The following RIPOR2 variants were observed in gnomAD, a reference collection of about 807,000 sequenced individuals.
RIPOR2 encodes rho family-interacting cell polarization regulator 2.
A neutral mutation model predicts 114.5 loss-of-function variants in RIPOR2; 39 were observed. That is an observed-to-expected ratio of 0.34 (90% CI 0.26 to 0.44). The LOEUF is 0.44. Among genes scored for constraint, RIPOR2 ranks in the 20% least tolerant of loss-of-function variants. The pLI, the probability that RIPOR2 is intolerant of heterozygous loss-of-function variation, is 1.00. For synonymous variants in RIPOR2, 445 were observed against 484.4 expected, an observed-to-expected ratio of 0.92 and a Z score of 1.07; for missense variants, 1,007 against 1,255.1, an observed-to-expected ratio of 0.80 and a Z score of 2.99.
At chr6:24,823,242 T>C (rs1759857825) in intron 19 of RIPOR2, among the ~76,000 whole-genome samples, 1 of 152,244 alleles carries the variant, frequency 6.6e-6, no homozygotes, top group Non-Finnish European at 1.5e-5. Flanking sequence ...GAACTTAATG[T>C]AATAACTTTT....
At position 24,826,505 on chromosome 6, in the gene RIPOR2, T is replaced by G. The variant is rs190149610; in HGVS notation, c.2666-1077A>C. ...TGTGATTTATTTAGATTTTTTTTTTTTGCTTAATTTCCTATTTTCCTTGCT... is the reference window on the plus strand; with the variant it reads ...TGTGATTTATTTAGATTTTTTTTTTGTGCTTAATTTCCTATTTTCCTTGCT... On this transcript the variant is annotated intron_variant, in intron 18 of 21. Coordinates refer to ENST00000643898, the MANE Select transcript of RIPOR2 (RefSeq NM_001286445.3). 1.7e-3 allele frequency among the ~76,000 whole-genome samples: 253 copies of G among 152,202 alleles called. 1 individual carries two copies. The highest frequency in any genetic ancestry group is 0.01 in the Middle Eastern group (3 of 294).
chr6:24,872,635 T>C (rs1251544485), intron 4 of RIPOR2, among the ~76,000 whole-genome samples: 1 of 152,208 alleles, frequency 6.6e-6, no homozygotes, highest in Non-Finnish European at 1.5e-5. Context: ...TAAAGTTTCA[T>C]GAAGATATAC....
chr6:25,007,201 C>T (rs1229115012), intron 1 of RIPOR2, among the ~76,000 whole-genome samples: 1 of 152,094 alleles, frequency 6.6e-6, no homozygotes, highest in African/African-American at 2.4e-5. Context: ...TAAAGAAAAG[C>T]CTATTAAAGG....
intron 19 of RIPOR2, among the ~76,000 whole-genome samples, chr6:24,822,227 G>A (rs543948267): frequency 4.6e-5 from 7 of 152,130 alleles, no homozygotes; most frequent in Non-Finnish European, 5.9e-5. Flanking sequence ...ACCAATCGAT[G>A]GTGTCTGTGC....
In RIPOR2 at chr6:25,020,431, G is replaced by C. The variant is rs1299305792; in HGVS notation, c.76+21420C>G. Among the ~76,000 whole-genome samples the C allele has an allele frequency of 3.9e-5, 6 of 152,314 alleles. No individual in the cohort carries two copies. In the East Asian group the frequency reaches 1.2e-3, roughly 29 times the overall value. On this transcript the variant is annotated intron_variant, in intron 1 of 13. Transcript: ENST00000510784. ...ATTGCAATTAATTAGGCTTCTCCAA[G>C]AGTAAATTTTCCCTGTACTATCCAA... is the stretch of plus-strand genomic sequence containing the variant.
At chr6:24,931,671 T>C (rs996695689) in intron 1 of RIPOR2, among the ~76,000 whole-genome samples, 5 of 152,236 alleles carry the variant, frequency 3.3e-5, no homozygotes, top group Admixed American at 3.3e-4. Context: ...TCAAGCATAA[T>C]CTTAAAAGGC....
intron 1 of RIPOR2, among the ~76,000 whole-genome samples, chr6:25,005,766 A>T (rs555646136): frequency 8.4e-6 from 1 of 119,360 alleles, no homozygotes; most frequent in African/African-American, 2.9e-5. Flanking sequence ...AAGATATGCC[A>T]TTATATACAT....
intron 1 of RIPOR2, among the ~76,000 whole-genome samples, chr6:25,003,088 G>A (rs550511632): frequency 3.9e-5 from 6 of 152,212 alleles, no homozygotes; most frequent in African/African-American, 4.8e-5. Flanking sequence ...ACATGTTTAC[G>A]ATTCACTTTT....
chr6:25,024,115 A>G, intron 1 of RIPOR2: 1 of 830,908 alleles, frequency 1.2e-6, no homozygotes, highest in Non-Finnish European at 2.1e-6. Flanking sequence ...CTCAAACCGG[A>G]CCTGATATTC....
chr6:25,022,562 TTTTTTTA>T (rs1776382984), intron 1 of RIPOR2, among the ~76,000 whole-genome samples: 6 of 114,876 alleles, frequency 5.2e-5, no homozygotes, highest in African/African-American at 1.3e-4. Flanking sequence ...TTTTTTTTTT[TTTTTTTA>T]GACAGGTTCT....
Position 24,832,313 on chromosome 6 carries a change from C to T in RIPOR2, c.2287G>A (p.Glu763Lys), listed in dbSNP as rs1760753331. 6.4e-7 allele frequency: 1 copy of T among 1,551,892 alleles called. No individual in the cohort carries two copies. The highest frequency in any genetic ancestry group is 8.7e-7 in the Non-Finnish European group (1 of 1,146,974). Residue 763 changes from glutamate to lysine, a missense_variant, in exon 16 of 22, where the codon GAG (glutamate) becomes AAG (lysine). Glu to Lys is a moderately conservative substitution (Grantham distance 56). Transcript: ENST00000643898. ...EKLSRQIQVM[E>K]KLAAVSDENI... is the part of the protein sequence containing the mutation. Reference sequence around the variant, plus strand: ...TCATCACTGACAGCTGCGAGTTTCTCCATCACTTGGATCTGCCTAGAAAGC... The same window carrying T: ...TCATCACTGACAGCTGCGAGTTTCTTCATCACTTGGATCTGCCTAGAAAGC...
At chr6:24,925,673 G>T (rs1770813900) in intron 1 of RIPOR2, among the ~76,000 whole-genome samples, 1 of 151,692 alleles carries the variant, frequency 6.6e-6, no homozygotes, top group Non-Finnish European at 1.5e-5. Context: ...CTGTACTCCA[G>T]CCTGGTGACA....
At position 24,858,782 on chromosome 6, in the gene RIPOR2, A is replaced by G. The variant is rs914218853; in HGVS notation, c.715+2191T>C. On this transcript the variant is annotated intron_variant, in intron 8 of 21. Coordinates refer to ENST00000643898, the MANE Select transcript of RIPOR2 (RefSeq NM_001286445.3). This position sits in a 1 kb window ranked among gnomAD's most constrained non-coding sequence, Gnocchi z 4.0. ...AGGAGGAGATGGAGGAGCAGGAGCA[A>G]CAGCAAGTTCATCAGTCCATCAGGG... Among the ~76,000 whole-genome samples, 7 of 152,152 alleles carry G rather than the reference A, an allele frequency of 4.6e-5. No individual in the cohort carries two copies. The highest frequency in any genetic ancestry group is 1.0e-4 in the Non-Finnish European group (7 of 68,032).
chr6:25,006,498 C>A (rs904108954), intron 1 of RIPOR2, among the ~76,000 whole-genome samples: 2 of 152,236 alleles, frequency 1.3e-5, no homozygotes, highest in East Asian at 3.8e-4. Context: ...CTCACCCCCA[C>A]AAATTCCAAT....
At chr6:24,808,362 T>C (rs10806994) in intron 21 of RIPOR2, among the ~76,000 whole-genome samples, 113,420 of 152,156 alleles carry the variant, frequency 0.75, 44,438 homozygotes, top group East Asian at 0.88. Flanking sequence ...TATGAAGGGA[T>C]AAAGGAGTTT....
chr6:24,967,507 A>C (rs9467369), intron 1 of RIPOR2, among the ~76,000 whole-genome samples: 7 of 152,244 alleles, frequency 4.6e-5, no homozygotes, highest in South Asian at 2.1e-4. Flanking sequence ...TCAAGATCAC[A>C]CAGCTGGTGA....
intron 1 of RIPOR2, among the ~76,000 whole-genome samples, chr6:25,031,750 TAAA>T (rs1277482515): frequency 8.5e-4 from 53 of 62,162 alleles, no homozygotes; most frequent in East Asian, 1.9e-3. Context: ...TATATATATA[TAAA>T]ATATCCATAG....
chr6:24,854,942 G>A (rs886209695), intron 8 of RIPOR2, among the ~76,000 whole-genome samples: 3 of 146,988 alleles, frequency 2.0e-5, no homozygotes, highest in Non-Finnish European at 3.0e-5. Context: ...CAGGAGAATC[G>A]CTTGAACCTG....
intron 1 of RIPOR2, among the ~76,000 whole-genome samples, chr6:25,010,067 T>C (rs1360696724): frequency 6.6e-6 from 1 of 152,222 alleles, no homozygotes; most frequent in Non-Finnish European, 1.5e-5. Flanking sequence ...GGAAAATGTT[T>C]ACAGGTATTA....
Sources: allele counts gnomAD v4.1 joint callset (sites outside exome capture counted in the v4.1 genomes callset), GRCh38; gene constraint gnomAD v4.1.1; non-coding constraint Gnocchi (gnomAD v3.1); transcripts MANE v1.5; gene names NCBI Gene and HGNC (gene_info 2026-07-23, HGNC 2026-07-21).